The following AP2A2 variants were observed in gnomAD, a reference collection of about 807,000 sequenced individuals.
The protein encoded by AP2A2 is AP-2 complex subunit alpha-2.
Under a neutral mutation model 104.2 loss-of-function variants are expected in AP2A2, and 32 were observed. The observed-to-expected ratio is 0.31, with a 90% CI of 0.23 to 0.41. The LOEUF is 0.41. AP2A2 is among the 10% of genes least tolerant of loss of function. The probability of loss-of-function intolerance (pLI) is 1.00; values close to 1 mark genes in which losing one functional copy is unlikely to be tolerated. For synonymous variants in AP2A2, 539 were observed against 533.3 expected, an observed-to-expected ratio of 1.01 and a Z score of -0.15; for missense variants, 912 against 1,261.0, an observed-to-expected ratio of 0.72 and a Z score of 4.19.
At chr11:961,289 C>T (rs1273705086) in intron 2 of AP2A2, among the ~76,000 whole-genome samples, 2 of 147,622 alleles carry the variant, frequency 1.4e-5, no homozygotes, top group Admixed American at 6.8e-5. Context: ...TGACAGTCGC[C>T]GCCACCAGTG....
At chr11:998,318 CTCT>C (rs1419146055) in intron 14 of AP2A2, among the ~76,000 whole-genome samples, 258 of 123,682 alleles carry the variant, frequency 2.1e-3, no homozygotes, top group Non-Finnish European at 3.1e-3. Flanking sequence ...CCCATTCTGA[CTCT>C]CACCCGCCCC....
intron 6 of AP2A2, among the ~76,000 whole-genome samples, chr11:983,017 C>CTTTTTTTTTTT (rs56742889): frequency 3.6e-5 from 3 of 82,390 alleles, no homozygotes; most frequent in East Asian, 3.1e-4. Context: ...TTTTCTTTTT[C>CTTTTTTTTTTT]TTTTTTTTTT....
chr11:983,621 G>C (rs1048573294), intron 6 of AP2A2, among the ~76,000 whole-genome samples: 37 of 151,798 alleles, frequency 2.4e-4, no homozygotes, highest in African/African-American at 7.3e-4. Flanking sequence ...CTGACCTTGT[G>C]ATCCGCCCGC....
At chr11:995,350 C>T (rs747543579) in intron 14 of AP2A2, 15 of 455,872 alleles carry the variant, frequency 3.3e-5, no homozygotes, top group East Asian at 2.8e-4. Context: ...TGAGAAGTGT[C>T]GTTTTGAGAG....
At chr11:1,003,933 A>G (rs1394468866) in intron 16 of AP2A2, 129 bp downstream of exon 16, 2 of 598,386 alleles carry the variant, frequency 3.3e-6, no homozygotes, top group Non-Finnish European at 5.5e-6. Context: ...TAACTCAGTA[A>G]GAAAGCAGCC....
At position 994,101 on chromosome 11, in the gene AP2A2, C is replaced by T. The variant is rs761044856; in HGVS notation, c.1812C>T (p.Phe604=). 6 of 1,613,050 alleles carry T rather than the reference C, an allele frequency of 3.7e-6. No individual in the cohort carries two copies. Among genetic ancestry groups the T allele is most frequent in the South Asian group, 2.2e-5 (2 of 91,082 alleles). Residue 604 remains phenylalanine (F), a synonymous_variant, in exon 14 of 22, where the codon TTC becomes TTT. Transcript: ENST00000448903. ...CCGTGCTGGAGGAGATGCCCCCATTCCCGGAGCGGGAGTCCTCCATCTTGG... is the reference window on the plus strand; with the variant it reads ...CCGTGCTGGAGGAGATGCCCCCATTTCCGGAGCGGGAGTCCTCCATCTTGG... The part of the protein sequence containing the change: ...LATVLEEMPP[F]PERESSILAK...
chr11:1,011,528 G>T lies in AP2A2; in HGVS notation c.*903G>T. 2.1e-6 allele frequency: 1 copy of T among 484,516 alleles called. No individual in the cohort carries two copies. Among genetic ancestry groups the T allele is most frequent in the East Asian group, 6.0e-5 (1 of 16,662 alleles). 30.0% of individuals were successfully genotyped at this position (484,516 alleles called of 1,614,324 possible). On this transcript the variant is annotated 3_prime_UTR_variant, in exon 22 of 22. Coordinates refer to ENST00000448903, the MANE Select transcript of AP2A2 (RefSeq NM_012305.4). ...GTGGTCAGGAAGTGAAGGGGCCATT[G>T]GCCGCATGCCATGTGCCACCTGCGG...
intron 6 of AP2A2, among the ~76,000 whole-genome samples, chr11:984,331 T>C (rs1855372445): frequency 6.6e-6 from 1 of 152,108 alleles, no homozygotes; most frequent in African/African-American, 2.4e-5. Context: ...CTGAGGAGGC[T>C]AAAGCTCTCT....
Position 984,707 on chromosome 11 carries a change from G to C in AP2A2, c.768G>C (p.Trp256Cys). 6.2e-7 allele frequency: 1 copy of C among 1,613,522 alleles called. No homozygotes were observed. The highest frequency in any genetic ancestry group is 8.5e-7 in the Non-Finnish European group (1 of 1,179,822). The change falls in exon 7 of 22, where the codon TGG (tryptophan) becomes TGC (cysteine). Residue 256 changes from tryptophan to cysteine, a missense_variant. Coordinates refer to ENST00000448903, the MANE Select transcript of AP2A2 (RefSeq NM_012305.4). ...DYTYYFVPAP[W>C]LSVKLLRLLQ... is the part of the protein sequence containing the mutation. The stretch of plus-strand genomic sequence containing the variant: ...CTTACTATTTTGTCCCGGCTCCCTG[G>C]CTGTCTGTCAAACTGCTGAGACTGC...
chr11:994,030 G>A, intron 13 of AP2A2, 42 bp from the exon 14 acceptor site: 2 of 1,609,254 alleles, frequency 1.2e-6, no homozygotes, highest in Non-Finnish European at 8.5e-7. Context: ...GAGGGTTGGA[G>A]GCCAGGAGCT....
intron 14 of AP2A2, among the ~76,000 whole-genome samples, 183 bp from the exon 15 acceptor site, chr11:1,000,249 C>T (rs1314635148): frequency 6.6e-6 from 1 of 152,188 alleles, no homozygotes; most frequent in Non-Finnish European, 1.5e-5. Context: ...GGGATATACT[C>T]AGGAAGTGGC....
intron 1 of AP2A2, among the ~76,000 whole-genome samples, chr11:931,870 C>T (rs1589939304): frequency 7.0e-6 from 1 of 142,226 alleles, no homozygotes; most frequent in South Asian, 2.2e-4. Flanking sequence ...GCGGTGTGAT[C>T]TCGGCTCACT....
chr11:977,853 G>A (rs1425258852), intron 5 of AP2A2, among the ~76,000 whole-genome samples: 3 of 152,102 alleles, frequency 2.0e-5, no homozygotes, highest in Non-Finnish European at 2.9e-5. Context: ...TTCCTGCTGC[G>A]TGGAGAGGCA....
chr11:930,120 CAAAAAAAA>C (rs1157025547), intron 1 of AP2A2, among the ~76,000 whole-genome samples: 4 of 51,998 alleles, frequency 7.7e-5, no homozygotes, highest in African/African-American at 1.4e-4. Flanking sequence ...GACTCTGTCT[CAAAAAAAA>C]AAAAAAAAAA....
intron 14 of AP2A2, 81 bp from the exon 15 acceptor site, chr11:1,000,351 G>A (rs1195868989): frequency 7.1e-7 from 1 of 1,404,384 alleles, no homozygotes. Flanking sequence ...TGCCATGGGG[G>A]AGGACGTGCA....
At chr11:963,718 G>T (rs1037596636) in intron 2 of AP2A2, among the ~76,000 whole-genome samples, 3 of 152,190 alleles carry the variant, frequency 2.0e-5, no homozygotes, top group Non-Finnish European at 4.4e-5. Flanking sequence ...AACCCCCCGG[G>T]CTCAAGCCAT....
In AP2A2 at chr11:1,011,815, G is replaced by A. The variant is rs1425114788; in HGVS notation, c.*1190G>A. ...GCCTGCTGTGCGGGTCCCTGGGGCA[G>A]CTGCAGGGGCTCATGGACCCATCAG... On this transcript the variant is annotated 3_prime_UTR_variant, in exon 22 of 22. Transcript: ENST00000448903. 6.7e-6 allele frequency: 2 copies of A among 298,720 alleles called. No individual in the cohort carries two copies. Among genetic ancestry groups the A allele is most frequent in the Non-Finnish European group, 6.6e-6 (1 of 151,462 alleles). 18.5% of individuals were successfully genotyped at this position (298,720 alleles called of 1,614,324 possible).
intron 3 of AP2A2, among the ~76,000 whole-genome samples, chr11:971,137 A>T (rs1209958918): frequency 6.6e-6 from 1 of 151,962 alleles, no homozygotes; most frequent in Non-Finnish European, 1.5e-5. Context: ...GGGATGGGGG[A>T]TTAGCCTTGA....
chr11:986,324 A>G (rs1046175262), intron 8 of AP2A2, among the ~76,000 whole-genome samples: 3 of 152,184 alleles, frequency 2.0e-5, no homozygotes, highest in Non-Finnish European at 2.9e-5. Flanking sequence ...GAAATTTCCC[A>G]TTTTGGAGAA....
Sources: gnomAD v4.1 joint callset for allele counts (sites outside exome capture counted in the v4.1 genomes callset) on GRCh38, gnomAD v4.1.1 for gene constraint, MANE v1.5 for transcripts, NCBI Gene and HGNC (gene_info 2026-07-23, HGNC 2026-07-21) for gene names.